Variants in RBFOX2 observed in about 807,000 individuals in gnomAD.
RBFOX2 encodes the protein RNA binding fox-1 homolog 2.
RBFOX2 carries 10 observed loss-of-function variants against 49.1 expected under a neutral mutation model. That is an observed-to-expected ratio of 0.20 (90% CI 0.13 to 0.35). RBFOX2 has a LOEUF of 0.35. RBFOX2 is among the 10% of genes least tolerant of loss of function. The pLI, the probability that RBFOX2 is intolerant of heterozygous loss-of-function variation, is 1.00. For missense variants in RBFOX2, 323 were observed against 486.9 expected (o/e 0.66, Z 3.17); for synonymous variants, 183 against 187.4 (o/e 0.98, Z 0.19).
chr22:35,785,637 G>T (rs1190959703), intron 2 of RBFOX2, among the ~76,000 whole-genome samples: 1 of 152,162 alleles, frequency 6.6e-6, no homozygotes, highest in African/African-American at 2.4e-5. Flanking sequence ...AACTCCAAAT[G>T]AATAACAGCT....
upstream of RBFOX2, among the ~76,000 whole-genome samples, chr22:35,843,447 G>GATTGTTTCCTC (rs111630283): frequency 0.92 from 140,495 of 152,050 alleles, 65,079 homozygotes; most frequent in East Asian, 1. Context: ...TCAACTCTTT[G>GATTGTTTCCTC]AGTGTTTCAT....
intron 1 of RBFOX2, among the ~76,000 whole-genome samples, chr22:35,914,344 G>C (rs1603447268): frequency 6.6e-6 from 1 of 152,180 alleles, no homozygotes. Flanking sequence ...TAAACCTCAA[G>C]GCTAGCGATA....
intron 1 of RBFOX2, among the ~76,000 whole-genome samples, chr22:35,812,287 AC>A (rs1252545652): frequency 6.6e-6 from 1 of 151,380 alleles, no homozygotes; most frequent in Non-Finnish European, 1.5e-5. Flanking sequence ...AAAAAAAAAA[AC>A]CCCTCTCTTT....
At chr22:35,804,305 G>C (rs990523554) in intron 2 of RBFOX2, among the ~76,000 whole-genome samples, 2 of 151,920 alleles carry the variant, frequency 1.3e-5, no homozygotes, top group Non-Finnish European at 2.9e-5. Flanking sequence ...TGTGTAATCA[G>C]AGGCCCAGGA....
intron 1 of RBFOX2, among the ~76,000 whole-genome samples, chr22:35,899,188 A>AC (rs2048264192): frequency 1.3e-5 from 2 of 150,772 alleles, no homozygotes; most frequent in East Asian, 1.9e-4. Flanking sequence ...AAACATAAAA[A>AC]ATAAAATAAA....
At chr22:35,936,134 C>A (rs1247147895) in intron 1 of RBFOX2, among the ~76,000 whole-genome samples, 1 of 151,540 alleles carries the variant, frequency 6.6e-6, no homozygotes, top group East Asian at 1.9e-4. Context: ...ATCACTTGCA[C>A]CCCAGGGGTC....
chr22:36,027,428 TC>T (rs1265384387), intron 1 of RBFOX2, among the ~76,000 whole-genome samples: 2 of 152,210 alleles, frequency 1.3e-5, no homozygotes, highest in African/African-American at 4.8e-5. Context: ...TCAGCTGACA[TC>T]AATACCTTTC....
intron 1 of RBFOX2, among the ~76,000 whole-genome samples, chr22:35,887,619 T>C (rs1283581764): frequency 6.6e-6 from 1 of 152,140 alleles, no homozygotes; most frequent in Admixed American, 6.5e-5. Context: ...TCCTTCCCAA[T>C]ACTGCTTCCA....
chr22:35,790,571 T>C (rs2147467080), intron 2 of RBFOX2, among the ~76,000 whole-genome samples: 1 of 152,304 alleles, frequency 6.6e-6, no homozygotes, highest in African/African-American at 2.4e-5. Context: ...TTTTACCTAA[T>C]AGCACTATAT....
intron 6 of RBFOX2, 84 bp from the exon 8 acceptor site, chr22:35,761,552 T>A: frequency 7.0e-7 from 1 of 1,434,286 alleles, no homozygotes; most frequent in Non-Finnish European, 9.8e-7. Context: ...GCTTCAGCCA[T>A]CTCTGGGGCT....
intron 1 of RBFOX2, among the ~76,000 whole-genome samples, chr22:35,967,803 C>A (rs1185431280): frequency 6.6e-6 from 1 of 152,140 alleles, no homozygotes; most frequent in African/African-American, 2.4e-5. Flanking sequence ...CATCTAAAAT[C>A]CGTACCATTT....
intron 1 of RBFOX2, chr22:35,822,895 G>C (rs1250413769): frequency 2.6e-6 from 1 of 387,838 alleles, no homozygotes; most frequent in Non-Finnish European, 4.9e-6. Context: ...CACAATCCTA[G>C]CTCACTGCAA....
At chr22:35,770,241 T>C (rs1942280471) in intron 4 of RBFOX2, among the ~76,000 whole-genome samples, 1 of 152,030 alleles carries the variant, frequency 6.6e-6, no homozygotes, top group African/African-American at 2.4e-5. Flanking sequence ...GGTCACAGAG[T>C]GATGAGTTTT....
intron 1 of RBFOX2, 72 bp from the exon 3 acceptor site, chr22:35,810,076 T>A: frequency 1.4e-6 from 2 of 1,448,714 alleles, no homozygotes; most frequent in South Asian, 1.2e-5. Flanking sequence ...AAAGTGAGTA[T>A]ATGGAATTCT....
upstream of RBFOX2, among the ~76,000 whole-genome samples, chr22:35,940,320 G>A (rs142702825): frequency 2.6e-5 from 4 of 152,336 alleles, no homozygotes; most frequent in East Asian, 7.7e-4. Flanking sequence ...CAAAAGAGAT[G>A]TGCAAATGGC....
At chr22:35,901,666 T>C (rs1332774384) in intron 1 of RBFOX2, among the ~76,000 whole-genome samples, 2 of 152,186 alleles carry the variant, frequency 1.3e-5, no homozygotes, top group African/African-American at 2.4e-5. Context: ...TAGATGTATA[T>C]ATACATGGAG....
intron 1 of RBFOX2, among the ~76,000 whole-genome samples, chr22:35,826,046 CAAA>C (rs71736820): frequency 3.0e-5 from 3 of 100,840 alleles, no homozygotes; most frequent in East Asian, 4.1e-4. Flanking sequence ...TTGCTTTTGG[CAAA>C]AAAAAAAAAA....
At chr22:35,739,696 C>G (rs1259513737) in exon 12 of RBFOX2, 1 of 152,540 alleles carries the variant, frequency 6.6e-6, no homozygotes, top group African/African-American at 2.4e-5. Context: ...AACTCATGTA[C>G]CCCCTGGGAA....
At chr22:35,863,936 A>G (rs1397798159) in intron 1 of RBFOX2, among the ~76,000 whole-genome samples, 2 of 152,100 alleles carry the variant, frequency 1.3e-5, no homozygotes, top group South Asian at 4.1e-4. Context: ...TTACTCCAAC[A>G]CCTAAAGTGA....
Sources: allele counts gnomAD v4.1 joint callset (sites outside exome capture counted in the v4.1 genomes callset), GRCh38; gene constraint gnomAD v4.1.1; transcripts MANE v1.5; gene names NCBI Gene and HGNC (gene_info 2026-07-23, HGNC 2026-07-21).